CSMD1: variants seen among roughly 807,000 people sequenced by gnomAD.
CSMD1 encodes the protein CUB and Sushi multiple domains 1, also known as CUB and sushi domain-containing protein 1.
A neutral mutation model predicts 417.5 loss-of-function variants in CSMD1; 213 were observed. The observed-to-expected ratio is 0.51, with a 90% CI of 0.46 to 0.57. The LOEUF (loss-of-function observed/expected upper bound fraction) is 0.57, where lower values mean the gene tolerates loss of function less well. CSMD1 is among the 20% of genes least tolerant of loss of function. The probability of loss-of-function intolerance (pLI) is 0.00; values close to 1 mark genes in which losing one functional copy is unlikely to be tolerated. For synonymous variants in CSMD1, 2,862 were observed against 1,736.8 expected (o/e 1.65, Z -16.11); for missense variants, 6,923 against 4,529.7 (o/e 1.53, Z -15.17).
intron 27 of CSMD1, among the ~76,000 whole-genome samples, chr8:3,224,607 G>C (rs1798393945): frequency 6.6e-6 from 1 of 152,138 alleles, no homozygotes; most frequent in Non-Finnish European, 1.5e-5. Flanking sequence ...AATATCATTT[G>C]ATCACAATGC....
intron 1 of CSMD1, among the ~76,000 whole-genome samples, chr8:4,706,672 T>C (rs545470987): frequency 6.6e-6 from 1 of 152,292 alleles, no homozygotes; most frequent in Admixed American, 6.5e-5. Context: ...TAGTCATCAA[T>C]GTGGCTGAAG....
chr8:4,831,328 G>A (rs1800136982), intron 1 of CSMD1, among the ~76,000 whole-genome samples: 1 of 152,078 alleles, frequency 6.6e-6, no homozygotes, highest in Non-Finnish European at 1.5e-5. Flanking sequence ...TAGTGCTTCA[G>A]CAATTACTGC....
intron 2 of CSMD1, among the ~76,000 whole-genome samples, chr8:4,452,404 G>C (rs867159234): frequency 1.3e-5 from 2 of 152,182 alleles, no homozygotes; most frequent in South Asian, 4.1e-4. Context: ...GGGGTTCAGA[G>C]GTTCATGTTC....
rs116785553 is a variant in CSMD1 at position 3,746,140 on chromosome 8, G to A, written c.931+7790C>T. ...AACGATATTGCCTGCATGAGACAGA[G>A]AACATGAAGAATAAGAGCAGCTCAG... On this transcript the variant is annotated intron_variant, in intron 6 of 69. Transcript: ENST00000635120. Among the ~76,000 whole-genome samples the A allele has an allele frequency of 6.6e-3, 999 of 152,326 alleles. 12 individuals carry two copies. Among genetic ancestry groups the A allele is most frequent in the Middle Eastern group, 0.034 (10 of 294 alleles).
intron 3 of CSMD1, among the ~76,000 whole-genome samples, chr8:4,399,814 TTAAAA>T (rs1445627965): frequency 6.6e-6 from 1 of 152,166 alleles, no homozygotes; most frequent in African/African-American, 2.4e-5. Flanking sequence ...TAGGAAGCTA[TTAAAA>T]TAAGTTTTCT....
chr8:2,972,944 C>A (rs1804589196), intron 57 of CSMD1, among the ~76,000 whole-genome samples, 173 bp downstream of exon 57: 1 of 152,192 alleles, frequency 6.6e-6, no homozygotes, highest in South Asian at 2.1e-4. Flanking sequence ...TGGAATACCT[C>A]CATGCACCCA....
chr8:3,489,199 C>T (rs1329760002), intron 11 of CSMD1, among the ~76,000 whole-genome samples: 1 of 152,160 alleles, frequency 6.6e-6, no homozygotes, highest in Non-Finnish European at 1.5e-5. Context: ...CCATGCCAGG[C>T]AGTGTCTGGG....
chr8:4,691,950 A>G (rs1440461092), intron 1 of CSMD1, among the ~76,000 whole-genome samples: 1 of 152,186 alleles, frequency 6.6e-6, no homozygotes, highest in Non-Finnish European at 1.5e-5. Context: ...ATGGCAAATA[A>G]ACTGCAGCTC....
At chr8:3,436,850 A>G (rs1814598336) in intron 12 of CSMD1, among the ~76,000 whole-genome samples, 1 of 152,154 alleles carries the variant, frequency 6.6e-6, no homozygotes, top group Admixed American at 6.5e-5. Flanking sequence ...ATATGTTATG[A>G]TTCGGGATTA....
chr8:4,294,810 C>G (rs73500702), intron 3 of CSMD1, among the ~76,000 whole-genome samples: 12,315 of 151,838 alleles, frequency 0.081, 556 homozygotes, highest in South Asian at 0.14. Flanking sequence ...AAAGTGCTTA[C>G]TTTTCAACCC....
intron 49 of CSMD1, among the ~76,000 whole-genome samples, chr8:3,085,563 C>G (rs904710821): frequency 1.3e-5 from 2 of 152,202 alleles, no homozygotes; most frequent in African/African-American, 4.8e-5. Flanking sequence ...CCCACAGATT[C>G]CTTGGCCACA....
chr8:3,707,820 T>C (rs1171360381), intron 7 of CSMD1, among the ~76,000 whole-genome samples: 1 of 152,144 alleles, frequency 6.6e-6, no homozygotes, highest in Non-Finnish European at 1.5e-5. Context: ...GTGATGACGA[T>C]GGGCATTTAG....
intron 1 of CSMD1, among the ~76,000 whole-genome samples, chr8:4,878,090 T>C: frequency 6.6e-6 from 1 of 152,134 alleles, no homozygotes; most frequent in South Asian, 2.1e-4. Flanking sequence ...TGTCTGAGTA[T>C]GTGACCAGTA....
At chr8:4,261,328 A>C (rs1268653896) in intron 3 of CSMD1, among the ~76,000 whole-genome samples, 1 of 152,182 alleles carries the variant, frequency 6.6e-6, no homozygotes, top group Non-Finnish European at 1.5e-5. Context: ...AATACTGTGT[A>C]ATCTCACTTA....
chr8:4,341,649 G>C (rs554995138), intron 3 of CSMD1, among the ~76,000 whole-genome samples: 1 of 152,236 alleles, frequency 6.6e-6, no homozygotes, highest in South Asian at 2.1e-4. Context: ...ATGCTCTTGT[G>C]TTCTAAAAGC....
chr8:4,276,229 C>T (rs1796478088), intron 3 of CSMD1, among the ~76,000 whole-genome samples: 1 of 152,162 alleles, frequency 6.6e-6, no homozygotes, highest in Admixed American at 6.5e-5. Flanking sequence ...CGCAAATGCC[C>T]ATCAACGATA....
chr8:4,297,776 T>A (rs1797765830), intron 3 of CSMD1, among the ~76,000 whole-genome samples: 1 of 152,108 alleles, frequency 6.6e-6, no homozygotes, highest in African/African-American at 2.4e-5. Flanking sequence ...CTGTGAGAGG[T>A]GATACATTTC....
chr8:4,438,665 C>T (rs1208730555), intron 2 of CSMD1, among the ~76,000 whole-genome samples: 2 of 152,188 alleles, frequency 1.3e-5, no homozygotes, highest in Non-Finnish European at 2.9e-5. Flanking sequence ...GGAATTCCTG[C>T]AGGTAGAGCC....
chr8:3,664,718 G>A (rs1327768015), intron 7 of CSMD1, among the ~76,000 whole-genome samples: 1 of 152,180 alleles, frequency 6.6e-6, no homozygotes, highest in Non-Finnish European at 1.5e-5. Flanking sequence ...TCGGGATGTT[G>A]AATAAAAATA....
Sources: gnomAD v4.1 joint callset for allele counts (sites outside exome capture counted in the v4.1 genomes callset) on GRCh38, gnomAD v4.1.1 for gene constraint, MANE v1.5 for transcripts, NCBI Gene and HGNC (gene_info 2026-07-23, HGNC 2026-07-21) for gene names.